DPH6: variants seen among roughly 807,000 people sequenced by gnomAD.
DPH6 encodes diphthine--ammonia ligase.
A neutral mutation model predicts 38.2 loss-of-function variants in DPH6; 33 were observed. The ratio of observed to expected loss-of-function variants is 0.86; its 90% CI spans 0.65 to 1.15. The LOEUF (loss-of-function observed/expected upper bound fraction) is 1.15. Ranked by LOEUF, DPH6 falls within the 50% of genes most tolerant of loss-of-function variation. The probability of loss-of-function intolerance (pLI) is 0.00; values close to 1 mark genes in which losing one functional copy is unlikely to be tolerated. For missense variants in DPH6, 325 were observed against 320.0 expected, an observed-to-expected ratio of 1.02 and a Z score of -0.12; for synonymous variants, 108 against 103.0, an observed-to-expected ratio of 1.05 and a Z score of -0.30.
At position 35,351,311 on chromosome 15, in the gene DPH6, C is replaced by T. The variant is rs374756870; in HGVS notation, n.208-20234G>A. Among the ~76,000 whole-genome samples, 84 of 152,224 alleles carry T rather than the reference C, an allele frequency of 5.5e-4. No individual in the cohort carries two copies. The Middle Eastern group carries it at 0.014, about 25-fold the overall frequency. Reference sequence around the variant, plus strand: ...GTTGTTAAATTTAAAGTGAGTCTCTCATAGATAGCATATAGTTGGATTGTG... The same window carrying T: ...GTTGTTAAATTTAAAGTGAGTCTCTTATAGATAGCATATAGTTGGATTGTG... On this transcript the variant is annotated intron_variant and non_coding_transcript_variant, in intron 3 of 3. Coordinates refer to the DPH6 transcript ENST00000558973.
Position 35,450,696 on chromosome 15 carries a change from A to G in DPH6, c.494T>C (p.Val165Ala). ...GTTTGGCTGCATACCCAAAGCTGCT[A>G]CTTTGATGATCATTGCTTGAATGTT... ...SSNIQAMIIK[V>A]AALGLDPDKH... is the part of the protein sequence containing the mutation. The change falls in exon 5 of 9, where the codon GTA becomes GCA. Residue 165 changes from valine to alanine, a missense_variant. Physicochemically the swap from Val to Ala is moderately conservative, Grantham distance 64 (BLOSUM62 0). Coordinates refer to ENST00000256538, the MANE Select transcript of DPH6 (RefSeq NM_080650.4). The G allele has an allele frequency of 6.2e-7, 1 of 1,612,640 alleles. No homozygotes were observed. Among genetic ancestry groups the G allele is most frequent in the Non-Finnish European group, 8.5e-7 (1 of 1,179,316 alleles).
intron 3 of DPH6, among the ~76,000 whole-genome samples, chr15:35,483,824 T>C (rs1208946114): frequency 6.6e-6 from 1 of 152,176 alleles, no homozygotes; most frequent in East Asian, 1.9e-4. Context: ...AAATACAACA[T>C]ATTGGTATAA....
intron 3 of DPH6, among the ~76,000 whole-genome samples, chr15:35,510,309 C>T: frequency 6.6e-6 from 1 of 152,190 alleles, no homozygotes; most frequent in South Asian, 2.1e-4. Flanking sequence ...GTCGTATCAT[C>T]TCCTTTCTGA....
At chr15:35,252,791 C>G (rs540381131) in intron 3 of DPH6, among the ~76,000 whole-genome samples, 1 of 152,186 alleles carries the variant, frequency 6.6e-6, no homozygotes, top group Non-Finnish European at 1.5e-5. Flanking sequence ...TTTGGTTACA[C>G]ATTAAAAATA....
intron 3 of DPH6, among the ~76,000 whole-genome samples, chr15:35,350,532 T>C (rs958007673): frequency 4.6e-5 from 7 of 152,126 alleles, no homozygotes; most frequent in Non-Finnish European, 7.4e-5. Flanking sequence ...TTAGAATTTT[T>C]ATTTGACATC....
intron 5 of DPH6, among the ~76,000 whole-genome samples, chr15:35,436,291 C>T (rs1011797981): frequency 7.9e-5 from 12 of 151,262 alleles, no homozygotes; most frequent in South Asian, 6.3e-4. Context: ...ATGGTGAAAC[C>T]CCGTCTCTAC....
the DPH6 span, among the ~76,000 whole-genome samples, chr15:35,186,097 C>T: frequency 6.6e-6 from 1 of 152,088 alleles, no homozygotes. Context: ...GCTCACCAGT[C>T]GGAAGCAGAG....
chr15:35,427,792 G>A (rs886950655), intron 5 of DPH6, among the ~76,000 whole-genome samples: 2 of 151,904 alleles, frequency 1.3e-5, no homozygotes, highest in Admixed American at 1.3e-4. Context: ...GGAAGGAAAG[G>A]CCACAGGAGA....
intron 3 of DPH6, among the ~76,000 whole-genome samples, chr15:35,475,736 G>A (rs1290434678): frequency 6.6e-6 from 1 of 151,398 alleles, no homozygotes; most frequent in African/African-American, 2.4e-5. Context: ...GCACCAGAGG[G>A]ACCAGAAAGT....
intron 5 of DPH6, among the ~76,000 whole-genome samples, chr15:35,434,481 TAAG>T (rs2053671358): frequency 6.6e-6 from 1 of 151,964 alleles, no homozygotes; most frequent in Non-Finnish European, 1.5e-5. Context: ...GTAGAAAAAT[TAAG>T]AAATAATTAA....
At chr15:35,145,555 A>C in the DPH6 span, among the ~76,000 whole-genome samples, 160 of 152,354 alleles carry the variant, frequency 1.1e-3, 5 homozygotes, top group East Asian at 0.03. Context: ...TAGAAGGCTA[A>C]CAATACACTT....
intron 7 of DPH6, among the ~76,000 whole-genome samples, chr15:35,380,130 T>C (rs911655420): frequency 6.6e-6 from 1 of 152,214 alleles, no homozygotes; most frequent in African/African-American, 2.4e-5. Context: ...GTAGCACCTA[T>C]CAGTTATTGT....
At chr15:35,164,242 T>C in the DPH6 span, among the ~76,000 whole-genome samples, 7 of 151,872 alleles carry the variant, frequency 4.6e-5, no homozygotes, top group East Asian at 1.2e-3. Flanking sequence ...TCCTAACCCA[T>C]TGCTGCTATA....
At chr15:35,284,110 G>T (rs888343114) in intron 3 of DPH6, among the ~76,000 whole-genome samples, 1 of 152,130 alleles carries the variant, frequency 6.6e-6, no homozygotes, top group African/African-American at 2.4e-5. Flanking sequence ...AGTGTGATCT[G>T]ATCATCTTCC....
At chr15:35,280,518 A>G (rs2140435530) in intron 3 of DPH6, among the ~76,000 whole-genome samples, 1 of 152,356 alleles carries the variant, frequency 6.6e-6, no homozygotes, top group East Asian at 1.9e-4. Context: ...ACAATAGCAT[A>G]GAATTATTCA....
At position 35,423,855 on chromosome 15, in the gene DPH6, C is replaced by T. The variant is rs570608260; in HGVS notation, c.506-12959G>A. On this transcript the variant is annotated intron_variant, in intron 5 of 8. Transcript: ENST00000256538. ...CCATTCCCATTGTATGTTTTGGCAC[C>T]CCTGTGGAAGATCAGTTGACCATAG... 5.9e-5 allele frequency among the ~76,000 whole-genome samples: 9 copies of T among 151,678 alleles called. No individual in the cohort carries two copies. In the East Asian group the frequency reaches 1.7e-3, roughly 29 times the overall value.
intron 3 of DPH6, among the ~76,000 whole-genome samples, chr15:35,345,076 A>G (rs2052450743): frequency 6.6e-6 from 1 of 151,888 alleles, no homozygotes; most frequent in Admixed American, 6.6e-5. Context: ...AGAATATAGT[A>G]TTATCATCCA....
At chr15:35,414,296 T>A (rs1361261504) in intron 5 of DPH6, among the ~76,000 whole-genome samples, 1 of 151,778 alleles carries the variant, frequency 6.6e-6, no homozygotes, top group Non-Finnish European at 1.5e-5. Flanking sequence ...TTGCAATATA[T>A]TACTTTTGGC....
rs72703172 is a variant in DPH6, at chr15:35,392,744, C to T, written c.568-10828G>A. Reference sequence around the variant, plus strand: ...TGCTGTGACAGTATAAAGCAGGGTACCAATCTAAAAGGAAGCTAAAAGTCT... The same window carrying T: ...TGCTGTGACAGTATAAAGCAGGGTATCAATCTAAAAGGAAGCTAAAAGTCT... On this transcript the variant is annotated intron_variant, in intron 6 of 8. Coordinates refer to ENST00000256538, the MANE Select transcript of DPH6 (RefSeq NM_080650.4). 1.7e-3 allele frequency among the ~76,000 whole-genome samples: 264 copies of T among 152,118 alleles called. 1 individual carries two copies. The highest frequency in any genetic ancestry group is 5.0e-3 in the East Asian group (26 of 5,166).
Sources: allele counts gnomAD v4.1 joint callset (sites outside exome capture counted in the v4.1 genomes callset), GRCh38; gene constraint gnomAD v4.1.1; transcripts MANE v1.5; gene names NCBI Gene and HGNC (gene_info 2026-07-23, HGNC 2026-07-21).